Variants in RNF213 observed in about 807,000 individuals in gnomAD.
RNF213 encodes the protein ring finger protein 213, also known as E3 ubiquitin-protein ligase RNF213.
In RNF213, 341 loss-of-function variants were observed where a neutral mutation model predicts 514.4. The observed-to-expected ratio is 0.66, with a 90% CI of 0.61 to 0.73. RNF213 has a LOEUF of 0.73. Ranked by LOEUF, RNF213 falls within the 30% of genes least tolerant of loss-of-function variation. The pLI is 0.00. For synonymous variants in RNF213, 2,655 were observed against 2,658.2 expected (o/e 1.00, Z 0.04); for missense variants, 5,767 against 6,615.6 (o/e 0.87, Z 4.45).
intron 11 of RNF213, among the ~76,000 whole-genome samples, chr17:80,299,080 A>G (rs186927851): frequency 2.3e-4 from 35 of 152,330 alleles, no homozygotes; most frequent in Non-Finnish European, 3.8e-4. Flanking sequence ...TTTTGTCCAA[A>G]TATGGATTCG....
intron 14 of RNF213, among the ~76,000 whole-genome samples, chr17:80,310,128 C>G (rs1469621748): frequency 6.6e-6 from 1 of 152,134 alleles, no homozygotes; most frequent in African/African-American, 2.4e-5. Flanking sequence ...CCCCATGTCT[C>G]TGAGCTCTGT....
At chr17:80,260,937 G>A (rs1409228095) in intron 1 of RNF213, 35 bp downstream of exon 1, 11 of 151,716 alleles carry the variant, frequency 7.3e-5, no homozygotes, top group Admixed American at 5.3e-4. Flanking sequence ...CCGGGGCGGG[G>A]AGCGGGCTAG....
rs1336193290 is a variant in RNF213, at chr17:80,398,404, C to CT, written c.*4907dup. ...ATTTCAGGAAAGGATTTAAGGGAGACTATGGAGTACTATGACACCAGGAAA... is the reference window on the plus strand; with the variant it reads ...ATTTCAGGAAAGGATTTAAGGGAGACTTATGGAGTACTATGACACCAGGAAA... On this transcript the variant is annotated 3_prime_UTR_variant, in exon 68 of 68. Coordinates refer to ENST00000582970, the MANE Select transcript of RNF213 (RefSeq NM_001256071.3). 1 of 152,102 alleles carries CT rather than the reference C, an allele frequency of 6.6e-6. No individual in the cohort carries two copies. The highest frequency in any genetic ancestry group is 2.4e-5 in the African/African-American group (1 of 41,384). The allele number at this position is 152,102 out of a possible 1,614,324, so 9.4% of individuals were successfully genotyped here. A position where few individuals can be genotyped will look rare whatever the true frequency, so the allele number is the denominator to read the frequency against.
At chr17:80,319,940 T>C in intron 17 of RNF213, 1 of 1,032,492 alleles carries the variant, frequency 9.7e-7, no homozygotes, top group Non-Finnish European at 1.2e-6. Flanking sequence ...GTCATTGAAT[T>C]CCGGGGACCA....
At position 80,397,537 on chromosome 17, in the gene RNF213, T is replaced by C. The variant is rs982253216; in HGVS notation, c.*4039T>C. 10 of 151,944 alleles carry C rather than the reference T, an allele frequency of 6.6e-5. No individual in the cohort carries two copies. Among genetic ancestry groups the C allele is most frequent in the African/African-American group, 1.5e-4 (6 of 41,356 alleles). 9.4% of individuals were successfully genotyped at this position (151,944 alleles called of 1,614,324 possible). On this transcript the variant is annotated 3_prime_UTR_variant, in exon 68 of 68. Transcript: ENST00000582970. ...TAGAAAAGCACCGTGAAAATCCCTG[T>C]CCTGTTCTGTTCCGTTCTAATTACG...
chr17:80,375,827 TTTTG>T lies in RNF213; in HGVS notation c.13144_13147del (p.Leu4382ThrfsTer18), dbSNP rs1268002339. On this transcript the variant is annotated frameshift_variant, in exon 51 of 68. Transcript: ENST00000582970. LOFTEE classifies it high-confidence loss of function. Reference sequence around the variant, plus strand: ...TTAACACTGTTTAGAGAGGTGGCTATTTTGTACAGATCCCACAATGCAAGCCTCC... The same window carrying T: ...TTAACACTGTTTAGAGAGGTGGCTATTACAGATCCCACAATGCAAGCCTCC... 1.2e-6 allele frequency: 2 copies of T among 1,614,194 alleles called. No homozygotes were observed. The highest frequency in any genetic ancestry group is 1.7e-6 in the Non-Finnish European group (2 of 1,180,026).
intron 17 of RNF213, chr17:80,319,871 C>CACTT: frequency 3.5e-6 from 4 of 1,146,128 alleles, no homozygotes; most frequent in Non-Finnish European, 4.3e-6. Context: ...CCTAATTGGA[C>CACTT]ACTTAACCCC....
In RNF213 at chr17:80,343,489, T is replaced by C. The variant is rs1286849754; in HGVS notation, c.6183+164T>C. The stretch of plus-strand genomic sequence containing the variant: ...CTGAGAAGTGTGTTGTCAGGCAGTT[T>C]CCTCCTTGTGTGAACGTCATGGTGT... On this transcript the variant is annotated intron_variant, in intron 27 of 67. Coordinates refer to ENST00000582970, the MANE Select transcript of RNF213 (RefSeq NM_001256071.3). The surrounding 1 kb of genome is among the most constrained non-coding windows in gnomAD (Gnocchi z 4.3). Among the ~76,000 whole-genome samples the C allele has an allele frequency of 2.6e-5, 4 of 152,198 alleles. No individual in the cohort carries two copies. Among genetic ancestry groups the C allele is most frequent in the Admixed American group, 2.6e-4 (4 of 15,270 alleles).
intron 67 of RNF213, among the ~76,000 whole-genome samples, chr17:80,392,325 G>A (rs2080507397): frequency 6.6e-6 from 1 of 152,130 alleles, no homozygotes; most frequent in African/African-American, 2.4e-5. Flanking sequence ...CCCTTTCCTA[G>A]AGAATTTCCA....
At position 80,309,076 on chromosome 17, in the gene RNF213, G is replaced by C. The variant is rs755499802; in HGVS notation, c.2560G>C (p.Ala854Pro). The change falls in exon 14 of 68, where the codon GCC becomes CCC. Residue 854 changes from alanine (A) to proline (P), a missense_variant. By Grantham distance (27) the Ala-to-Pro change is conservative. Around this residue, in one of 13 missense-constraint regions of RNF213, gnomAD observed 592 missense variants for 673.9 expected, o/e 0.88. Coordinates refer to ENST00000582970, the MANE Select transcript of RNF213 (RefSeq NM_001256071.3). ...YLTVCLKLHE[A>P]ICSSTKLLKF... ...GACTGTGTGTCTGAAACTGCATGAA[G>C]CCATCTGCAGCAGCACAAAGCTACT... 6.2e-7 allele frequency: 1 copy of C among 1,614,176 alleles called. No individual in the cohort carries two copies. The highest frequency in any genetic ancestry group is 8.5e-7 in the Non-Finnish European group (1 of 1,180,040).
chr17:80,297,728 A>G (rs1193710590), intron 10 of RNF213, among the ~76,000 whole-genome samples: 3 of 150,114 alleles, frequency 2.0e-5, no homozygotes, highest in Admixed American at 1.3e-4. Flanking sequence ...CAGAGCTTGC[A>G]GTGAGCCAAG....
chr17:80,389,628 T>C (rs1204111833), intron 65 of RNF213, among the ~76,000 whole-genome samples, 200 bp from the exon 66 acceptor site: 1 of 152,166 alleles, frequency 6.6e-6, no homozygotes, highest in African/African-American at 2.4e-5. Flanking sequence ...AACAGCGTGA[T>C]GTGAGCGGGC....
Position 80,367,833 on chromosome 17 carries a change from G to A in RNF213, c.11957G>A (p.Ser3986Asn), listed in dbSNP as rs769487554. Residue 3986 changes from serine to asparagine, a missense_variant, in exon 43 of 68, where the codon AGC becomes AAC. Ser to Asn is a conservative substitution (Grantham distance 46, BLOSUM62 1). Coordinates refer to ENST00000582970, the MANE Select transcript of RNF213 (RefSeq NM_001256071.3). ...RTLCECKETA[S>N]KTLSRFGIQP... is the part of the protein sequence containing the mutation. Reference sequence around the variant, plus strand: ...CTCTGTGAATGCAAGGAGACAGCCAGCAAGACCCTCAGCAGGTGAGACCTT... The same window carrying A: ...CTCTGTGAATGCAAGGAGACAGCCAACAAGACCCTCAGCAGGTGAGACCTT... The A allele has an allele frequency of 2.0e-5, 33 of 1,614,140 alleles. No individual in the cohort carries two copies. In the East Asian group the frequency reaches 5.3e-4, roughly 26 times the overall value.
rs749192803 is a variant in RNF213, at chr17:80,363,633, G to A, written c.11593G>A (p.Ala3865Thr). 1 of 1,613,980 alleles carries A rather than the reference G, an allele frequency of 6.2e-7. No individual in the cohort carries two copies. The highest frequency in any genetic ancestry group is 8.5e-7 in the Non-Finnish European group (1 of 1,180,040). The change falls in exon 41 of 68, where the codon GCC (alanine) becomes ACC (threonine). Residue 3865 changes from alanine to threonine, a missense_variant. By Grantham distance (58) the Ala-to-Thr change is moderately conservative. Around this residue, in one of 13 missense-constraint regions of RNF213, gnomAD observed 355 missense variants for 358.0 expected, o/e 0.99. Coordinates refer to ENST00000582970, the MANE Select transcript of RNF213 (RefSeq NM_001256071.3). ...EMTLDAFAAM[A>T]CTEMLTRNTL... ...GACCCTGGACGCATTTGCCGCAATG[G>A]CCTGCACGGAGATGCTGACAAGAAA...
chr17:80,281,627 CCCCCA>C (rs2044302619), intron 3 of RNF213, among the ~76,000 whole-genome samples: 1 of 92,754 alleles, frequency 1.1e-5, no homozygotes, highest in Non-Finnish European at 2.5e-5. Context: ...CTCACACACA[CCCCCA>C]ACACACACTC....
At chr17:80,336,055 A>C in intron 22 of RNF213, 106 bp from the exon 23 acceptor site, 3 of 896,886 alleles carry the variant, frequency 3.3e-6, no homozygotes, top group Non-Finnish European at 5.0e-6. Flanking sequence ...AACCTTAAAA[A>C]TTCATGAAAT....
chr17:80,320,697 A>G (rs2046111292), intron 17 of RNF213: 1 of 152,080 alleles, frequency 6.6e-6, no homozygotes, highest in African/African-American at 2.4e-5. Context: ...GCCGAGCATA[A>G]TGTTTTGAAA....
rs144731803 is a variant in RNF213 at position 80,319,338 on chromosome 17, C to T, written c.3024+26C>T. The T allele has an allele frequency of 2.0e-5, 33 of 1,614,074 alleles. No homozygotes were observed. Among genetic ancestry groups the T allele is most frequent in the Non-Finnish European group, 2.3e-5 (27 of 1,180,058 alleles). On this transcript the variant is annotated intron_variant, in intron 17 of 67. Coordinates refer to ENST00000582970, the MANE Select transcript of RNF213 (RefSeq NM_001256071.3). ...GTGAACAATCTCTCCTCCTGGGAAACGGATTCGGGCTCACAGCTGTGTTCT... is the reference window on the plus strand; with the variant it reads ...GTGAACAATCTCTCCTCCTGGGAAATGGATTCGGGCTCACAGCTGTGTTCT...
intron 61 of RNF213, 67 bp from the exon 62 acceptor site, chr17:80,386,183 C>T (rs2080228425): frequency 1.3e-6 from 2 of 1,510,512 alleles, no homozygotes; most frequent in Non-Finnish European, 1.8e-6. Flanking sequence ...CATCCCTCCT[C>T]CCCACGCCTA....
Sources: allele counts gnomAD v4.1 joint callset (sites outside exome capture counted in the v4.1 genomes callset), GRCh38; gene constraint gnomAD v4.1.1; regional missense constraint gnomAD v4.1.1; non-coding constraint Gnocchi (gnomAD v3.1); transcripts MANE v1.5; gene names NCBI Gene and HGNC (gene_info 2026-07-23, HGNC 2026-07-21).